The following SENP7 variants were observed in gnomAD, a reference collection of about 807,000 sequenced individuals.
SENP7 encodes SUMO specific peptidase 7, also known as sentrin-specific protease 7.
In SENP7, 64 loss-of-function variants were observed where a neutral mutation model predicts 141.2. The ratio of observed to expected loss-of-function variants is 0.45; its 90% confidence interval spans 0.37 to 0.56. SENP7 has a LOEUF of 0.56. Among genes scored for constraint, SENP7 ranks in the 20% least tolerant of loss-of-function variants. The pLI is 0.00. For synonymous variants in SENP7, 382 were observed against 426.4 expected, an observed-to-expected ratio of 0.90 and a Z score of 1.28; for missense variants, 1,025 against 1,212.2, an observed-to-expected ratio of 0.85 and a Z score of 2.29.
Position 101,366,739 on chromosome 3 carries a change from T to C in SENP7, c.1009A>G (p.Thr337Ala). The C allele has an allele frequency of 6.2e-7, 1 of 1,601,278 alleles. No individual in the cohort carries two copies. Among genetic ancestry groups the C allele is most frequent in the Non-Finnish European group, 8.5e-7 (1 of 1,172,902 alleles). ...KKQEDDSTIS[T>A]EFEKPSENYH... ...TTTTCACTTGGCTTTTCAAACTCAG[T>C]GGATATTGTTGAGTCATCTTCTTGT... Residue 337 changes from threonine (T) to alanine (A), a missense_variant, in exon 9 of 24, where the codon ACT (threonine) becomes GCT (alanine). Around this residue, in one of 4 missense-constraint regions of SENP7, gnomAD observed 496 missense variants for 503.5 expected, o/e 0.99. Transcript: ENST00000394095.
intron 3 of SENP7, among the ~76,000 whole-genome samples, chr3:101,492,016 CG>C (rs1260858627): frequency 1.3e-5 from 2 of 151,938 alleles, no homozygotes; most frequent in African/African-American, 4.8e-5. Flanking sequence ...CGCTTGAACC[CG>C]GAAGGCAGAG....
At chr3:101,388,576 T>C (rs1040233468) in intron 6 of SENP7, among the ~76,000 whole-genome samples, 1 of 151,854 alleles carries the variant, frequency 6.6e-6, no homozygotes, top group East Asian at 1.9e-4. Context: ...TGTAAGAACA[T>C]AAGAAACATG....
At chr3:101,462,541 CA>C (rs77403601) in intron 3 of SENP7, among the ~76,000 whole-genome samples, 179 of 122,822 alleles carry the variant, frequency 1.5e-3, no homozygotes, top group Non-Finnish European at 1.4e-3. Context: ...AACTCTGTCT[CA>C]AAAAAAAAAA....
intron 5 of SENP7, among the ~76,000 whole-genome samples, chr3:101,416,721 A>G (rs1156461591): frequency 6.6e-6 from 1 of 152,136 alleles, no homozygotes; most frequent in Admixed American, 6.5e-5. Flanking sequence ...TTAATGTGTA[A>G]TATCTTCAGA....
intron 6 of SENP7, among the ~76,000 whole-genome samples, chr3:101,385,668 T>C (rs1212292260): frequency 1.3e-5 from 2 of 152,172 alleles, no homozygotes; most frequent in Non-Finnish European, 2.9e-5. Context: ...TCTCAGTCGA[T>C]AGCAAAGCCC....
rs184478269 is a variant in SENP7 at position 101,394,457 on chromosome 3, T to C, written c.677+4404A>G. Among the ~76,000 whole-genome samples the C allele has an allele frequency of 6.6e-4, 101 of 152,276 alleles. 2 individuals carry two copies. The highest frequency in any genetic ancestry group is 6.6e-3 in the Admixed American group (101 of 15,294). ...ATTGACTTCCTTTCCTTTAGATAAA[T>C]ACTAGTAGCAGGACTACTGGATTGT... On this transcript the variant is annotated intron_variant, in intron 6 of 23. Coordinates refer to ENST00000394095, the MANE Select transcript of SENP7 (RefSeq NM_020654.5).
intron 13 of SENP7, among the ~76,000 whole-genome samples, chr3:101,347,118 A>G (rs960535795): frequency 1.3e-5 from 2 of 152,034 alleles, no homozygotes; most frequent in African/African-American, 4.8e-5. Flanking sequence ...GCTACTTGGG[A>G]GGCTGAGGTG....
intron 4 of SENP7, among the ~76,000 whole-genome samples, chr3:101,432,614 T>C (rs1224817639): frequency 6.6e-6 from 1 of 152,124 alleles, no homozygotes; most frequent in Non-Finnish European, 1.5e-5. Flanking sequence ...TGGTAGAAAG[T>C]AAGGGAAAAG....
intron 1 of SENP7, among the ~76,000 whole-genome samples, chr3:101,512,096 A>C (rs2065884369): frequency 6.6e-6 from 1 of 152,248 alleles, no homozygotes; most frequent in South Asian, 2.1e-4. Context: ...TTGGCATTAC[A>C]GGCGTGAGCC....
At chr3:101,410,428 T>C (rs1374467491) in intron 5 of SENP7, among the ~76,000 whole-genome samples, 1 of 152,188 alleles carries the variant, frequency 6.6e-6, no homozygotes, top group East Asian at 1.9e-4. Flanking sequence ...CACTCCTGGA[T>C]ATCTACCCAG....
intron 4 of SENP7, chr3:101,457,137 G>A (rs2063380202): frequency 5.0e-6 from 4 of 795,216 alleles, no homozygotes; most frequent in Non-Finnish European, 8.4e-6. Context: ...TAGAGATCTA[G>A]ATTTTATCAG....
Position 101,347,922 on chromosome 3 carries a change from T to A in SENP7, c.1787A>T (p.Tyr596Phe). 1 of 1,606,694 alleles carries A rather than the reference T, an allele frequency of 6.2e-7. No individual in the cohort carries two copies. The highest frequency in any genetic ancestry group is 1.3e-5 in the African/African-American group (1 of 74,876). ...AILFFWVSSD[Y>F]LQEIQTQLEH... ...TAATTGGGTCTGAATCTCTTGAAGA[T>A]AATCTGAAGAGACCCAGAAGAAAAG... is the stretch of plus-strand genomic sequence containing the variant. The change falls in exon 13 of 24, where the codon TAT becomes TTT. Residue 596 changes from tyrosine to phenylalanine, a missense_variant. Around this residue, in one of 4 missense-constraint regions of SENP7, gnomAD observed 228 missense variants for 228.5 expected, o/e 1.00. Coordinates refer to ENST00000394095, the MANE Select transcript of SENP7 (RefSeq NM_020654.5).
chr3:101,398,703 G>A (rs2061044064), intron 6 of SENP7, among the ~76,000 whole-genome samples, 158 bp downstream of exon 6: 1 of 152,092 alleles, frequency 6.6e-6, no homozygotes, highest in Non-Finnish European at 1.5e-5. Flanking sequence ...TGGACTGTTG[G>A]TTCCAATAGC....
Position 101,337,645 on chromosome 3 carries a change from A to AC in SENP7, c.2358-15dup, listed in dbSNP as rs746939763. On this transcript the variant is annotated splice_polypyrimidine_tract_variant and intron_variant, in intron 16 of 23. Transcript: ENST00000394095. ...AATATAAGATACCTGTAAAGTAGTAACCCCACAAAAGTAAATTATTTTTAG... is the reference window on the plus strand; with the variant it reads ...AATATAAGATACCTGTAAAGTAGTAACCCCCACAAAAGTAAATTATTTTTAG... 6.5e-7 allele frequency: 1 copy of AC among 1,529,288 alleles called. No homozygotes were observed. Among genetic ancestry groups the AC allele is most frequent in the Non-Finnish European group, 8.8e-7 (1 of 1,141,186 alleles). The allele number at this position is 1,529,288 out of a possible 1,614,324, so 94.7% of individuals were successfully genotyped here.
intron 4 of SENP7, among the ~76,000 whole-genome samples, chr3:101,431,508 C>CT (rs56937965): frequency 0.027 from 2,266 of 82,816 alleles, 139 homozygotes; most frequent in African/African-American, 0.087. Flanking sequence ...GCAACCCCTG[C>CT]TTTTTTTTTT....
intron 11 of SENP7, among the ~76,000 whole-genome samples, chr3:101,360,054 A>C: frequency 6.6e-6 from 1 of 152,162 alleles, no homozygotes; most frequent in South Asian, 2.1e-4. Context: ...AACTGGGTAA[A>C]CCTGAATTTA....
intron 6 of SENP7, among the ~76,000 whole-genome samples, chr3:101,380,065 G>A (rs2060451595): frequency 6.6e-6 from 1 of 152,176 alleles, no homozygotes; most frequent in Non-Finnish European, 1.5e-5. Context: ...AGATAAGTCA[G>A]TTAGCAAAGG....
In SENP7 at chr3:101,508,375, T is replaced by C. The variant is rs577073311; in HGVS notation, c.40+4716A>G. Among the ~76,000 whole-genome samples the C allele has an allele frequency of 3.1e-4, 47 of 152,146 alleles. 2 individuals are homozygous for C. The Middle Eastern group carries it at 0.014, about 44-fold the overall frequency. Reference sequence around the variant, plus strand: ...ACTTTGGGAGGCCGAGGCAGGCAGATCACGAGGTCAGGAGATCAAGACCAT... The same window carrying C: ...ACTTTGGGAGGCCGAGGCAGGCAGACCACGAGGTCAGGAGATCAAGACCAT... On this transcript the variant is annotated intron_variant, in intron 1 of 23. Transcript: ENST00000394095.
intron 3 of SENP7, among the ~76,000 whole-genome samples, chr3:101,493,199 G>A (rs750051035): frequency 6.6e-6 from 1 of 152,058 alleles, no homozygotes; most frequent in African/African-American, 2.4e-5. Flanking sequence ...ATCAGAACAC[G>A]CGGACACATA....
Sources: allele counts gnomAD v4.1 joint callset (sites outside exome capture counted in the v4.1 genomes callset), GRCh38; gene constraint gnomAD v4.1.1; regional missense constraint gnomAD v4.1.1; transcripts MANE v1.5; gene names NCBI Gene and HGNC (gene_info 2026-07-23, HGNC 2026-07-21).